USP3: variants seen among roughly 807,000 people sequenced by gnomAD.
USP3 encodes the protein ubiquitin carboxyl-terminal hydrolase 3.
A neutral mutation model predicts 72.3 loss-of-function variants in USP3; 20 were observed. That is an observed-to-expected ratio of 0.28 (90% confidence interval 0.19 to 0.40). The LOEUF (loss-of-function observed/expected upper bound fraction) is 0.40. USP3 is among the 10% of genes least tolerant of loss of function. The pLI, the probability that USP3 is intolerant of heterozygous loss-of-function variation, is 1.00. For missense variants in USP3, 479 were observed against 633.9 expected, an observed-to-expected ratio of 0.76 and a Z score of 2.62; for synonymous variants, 222 against 225.3, an observed-to-expected ratio of 0.99 and a Z score of 0.13.
Position 63,511,266 on chromosome 15 carries a change from T to TAAAAA in USP3, c.91+6448_91+6452dup, listed in dbSNP as rs61283920. On this transcript the variant is annotated intron_variant, in intron 1 of 14. Transcript: ENST00000380324. ...TTCAGACTTTTAGCTTGCTTTTTCT[T>TAAAAA]AAAAAAAAAAAAAAAAGAGTCTTTA... Among the ~76,000 whole-genome samples, 76 of 42,862 alleles carry TAAAAA rather than the reference T, an allele frequency of 1.8e-3. 3 individuals carry two copies. The highest frequency in any genetic ancestry group is 3.4e-3 in the African/African-American group (55 of 16,204). The allele number at this position is 42,862 out of a possible 152,430, so 28.1% of individuals were successfully genotyped here.
intron 6 of USP3, 49 bp from the exon 7 acceptor site, chr15:63,559,808 A>C: frequency 6.7e-7 from 1 of 1,492,980 alleles, no homozygotes; most frequent in South Asian, 1.3e-5. Flanking sequence ...CTTTCTTTAC[A>C]GTCCTATTCT....
rs539933785 is a variant in USP3, at chr15:63,551,829, C to T, written c.285-1886C>T. 5.9e-5 allele frequency: 9 copies of T among 152,316 alleles called. No homozygotes were observed. In the South Asian group the frequency reaches 1.0e-3, roughly 18 times the overall value. The allele number at this position is 152,316 out of a possible 1,614,324, so 9.4% of individuals were successfully genotyped here. ...CAGCTCTGGAGTCTAGATCAACTTA[C>T]TTTGGTGATAAAAGGGTAGAGAGGC... is the stretch of plus-strand genomic sequence containing the variant. On this transcript the variant is annotated intron_variant, in intron 3 of 14. Coordinates refer to ENST00000380324, the MANE Select transcript of USP3 (RefSeq NM_006537.4).
chr15:63,537,012 TG>T lies in USP3; in HGVS notation c.153-11del. 3 of 1,602,584 alleles carry T rather than the reference TG, an allele frequency of 1.9e-6. No individual in the cohort carries two copies. The highest frequency in any genetic ancestry group is 2.6e-6 in the Non-Finnish European group (3 of 1,175,938). On this transcript the variant is annotated splice_polypyrimidine_tract_variant and intron_variant, in intron 2 of 14. Transcript: ENST00000380324. ...GCAATATTTAAAGTAAATTTTCATT[TG>T]GTTTTTGTAAGGTATGTGAATGGCC...
chr15:63,506,408 T>C (rs1355593991), intron 1 of USP3, among the ~76,000 whole-genome samples: 2 of 151,908 alleles, frequency 1.3e-5, no homozygotes, highest in Non-Finnish European at 2.9e-5. Context: ...AGGAGAAGCC[T>C]ACCTCACAGG....
chr15:63,566,615 G>A (rs372702576), intron 8 of USP3, among the ~76,000 whole-genome samples: 20 of 152,186 alleles, frequency 1.3e-4, no homozygotes, highest in African/African-American at 4.3e-4. Context: ...GCCTGGCCAC[G>A]TGTGATACTT....
At chr15:63,584,524 T>C (rs1197049764) in intron 11 of USP3, among the ~76,000 whole-genome samples, 1 of 152,216 alleles carries the variant, frequency 6.6e-6, no homozygotes, top group Non-Finnish European at 1.5e-5. Context: ...TGATTTGCAT[T>C]TCCCTAGTAA....
intron 3 of USP3, among the ~76,000 whole-genome samples, chr15:63,539,269 A>G: frequency 6.6e-6 from 1 of 152,190 alleles, no homozygotes; most frequent in Non-Finnish European, 1.5e-5. Flanking sequence ...GTCATGGGTC[A>G]CATCATCCTA....
rs1330833595 is a variant in USP3, at chr15:63,556,753, GTAAT to G, written c.450+9_450+12del. The G allele has an allele frequency of 8.4e-6, 13 of 1,551,342 alleles. No individual in the cohort carries two copies. The highest frequency in any genetic ancestry group is 1.1e-5 in the Non-Finnish European group (13 of 1,137,850). On this transcript the variant is annotated splice_donor_region_variant and intron_variant, in intron 5 of 14. Coordinates refer to ENST00000380324, the MANE Select transcript of USP3 (RefSeq NM_006537.4). ...AGCAAGTTATTAAAAGTAAATGTAA[GTAAT>G]TAAAATTTATTCAAATATAAGAGTT...
At chr15:63,531,193 C>G (rs757525487) in intron 1 of USP3, among the ~76,000 whole-genome samples, 21 of 152,188 alleles carry the variant, frequency 1.4e-4, no homozygotes, top group Non-Finnish European at 2.8e-4. Context: ...CTGTCCCCTC[C>G]TCTCATGCAA....
intron 3 of USP3, among the ~76,000 whole-genome samples, chr15:63,549,317 A>C (rs960035888): frequency 6.6e-6 from 1 of 152,236 alleles, no homozygotes; most frequent in African/African-American, 2.4e-5. Context: ...TGGAGTACCA[A>C]ACAGTTTTTC....
In USP3 at chr15:63,528,881, A is replaced by G. The variant is rs145364449; in HGVS notation, c.92-3766A>G. On this transcript the variant is annotated intron_variant, in intron 1 of 14. Coordinates refer to ENST00000380324, the MANE Select transcript of USP3 (RefSeq NM_006537.4). This position sits in a 1 kb window ranked among gnomAD's most constrained non-coding sequence, Gnocchi z 4.3. ...AAGCCAGTGTTTTTCAGTCTATTTT[A>G]TATTTGTCCTGGGTACATTAAAGGT... 67 of 489,216 alleles carry G rather than the reference A, an allele frequency of 1.4e-4. No individual in the cohort carries two copies. In the Middle Eastern group the frequency reaches 2.7e-3, roughly 20 times the overall value. The allele number at this position is 489,216 out of a possible 1,614,324, so 30.3% of individuals were successfully genotyped here.
chr15:63,581,356 TGTGTGTGTGTGTGTG>T (rs1188798010), intron 11 of USP3, among the ~76,000 whole-genome samples: 7 of 19,034 alleles, frequency 3.7e-4, no homozygotes, highest in Admixed American at 1.6e-3. Context: ...TGTGTGTGTG[TGTGTGTGTGTGTGTG>T]TGTGTGTGTG....
rs1469155693 is a variant in USP3 at position 63,591,316 on chromosome 15, T to TGAGGAATCATTCTTTTTGCCTGTAAA, written c.*491_*516dup. On this transcript the variant is annotated 3_prime_UTR_variant, in exon 15 of 15. Coordinates refer to ENST00000380324, the MANE Select transcript of USP3 (RefSeq NM_006537.4). ...GCCCACAAAATTTCACAATGACTGC[T>TGAGGAATCATTCTTTTTGCCTGTAAA]GAGGAATCATTCTTTTTGCCTGTAA... is the stretch of plus-strand genomic sequence containing the variant. 8 of 152,850 alleles carry TGAGGAATCATTCTTTTTGCCTGTAAA rather than the reference T, an allele frequency of 5.2e-5. No individual in the cohort carries two copies. The highest frequency in any genetic ancestry group is 1.9e-4 in the African/African-American group (8 of 41,470). 9.5% of individuals were successfully genotyped at this position (152,850 alleles called of 1,614,324 possible).
intron 11 of USP3, among the ~76,000 whole-genome samples, chr15:63,585,896 C>T (rs188672914): frequency 2.7e-5 from 4 of 148,112 alleles, no homozygotes; most frequent in Admixed American, 6.8e-5. Flanking sequence ...CCATAATAAA[C>T]TTTAGAGTAA....
At chr15:63,571,318 T>TA (rs1270053567) in intron 9 of USP3, among the ~76,000 whole-genome samples, 1 of 152,180 alleles carries the variant, frequency 6.6e-6, no homozygotes, top group Non-Finnish European at 1.5e-5. Context: ...GTAAGTAACA[T>TA]ATAGGTGTCA....
chr15:63,562,280 T>A (rs1028403016), intron 7 of USP3, among the ~76,000 whole-genome samples: 3 of 152,094 alleles, frequency 2.0e-5, no homozygotes, highest in African/African-American at 7.2e-5. Context: ...AGTGTGGATA[T>A]TGGGTGATAG....
intron 8 of USP3, among the ~76,000 whole-genome samples, chr15:63,565,260 G>A (rs2066670445): frequency 1.3e-5 from 2 of 152,110 alleles, no homozygotes; most frequent in South Asian, 4.1e-4. Context: ...GTAATCAGCA[G>A]CTTTGGATAG....
chr15:63,524,168 A>G (rs1292110420), intron 1 of USP3, among the ~76,000 whole-genome samples: 1 of 152,248 alleles, frequency 6.6e-6, no homozygotes, highest in African/African-American at 2.4e-5. Context: ...GATGTGATAC[A>G]CAAAGATTTA....
In USP3 at chr15:63,570,707, T is replaced by G. The variant is rs901785964; in HGVS notation, c.908+128T>G. On this transcript the variant is annotated intron_variant, in intron 9 of 14. Transcript: ENST00000380324. This position sits in a 1 kb window ranked among gnomAD's most constrained non-coding sequence, Gnocchi z 4.4. ...CATTTGCTGGAACTTTTCGTGCCCTTGAACTTTGTGACCCAGTGAACTAGC... is the reference window on the plus strand; with the variant it reads ...CATTTGCTGGAACTTTTCGTGCCCTGGAACTTTGTGACCCAGTGAACTAGC... 3.0e-6 allele frequency: 4 copies of G among 1,338,912 alleles called. No homozygotes were observed. In the Admixed American group the frequency reaches 1.0e-4, roughly 35 times the overall value. 82.9% of individuals were successfully genotyped at this position (1,338,912 alleles called of 1,614,324 possible). A position where few individuals can be genotyped will look rare whatever the true frequency, so the allele number is the denominator to read the frequency against.
Sources: gnomAD v4.1 joint callset for allele counts (sites outside exome capture counted in the v4.1 genomes callset) on GRCh38, gnomAD v4.1.1 for gene constraint, Gnocchi (gnomAD v3.1) non-coding constraint, MANE v1.5 for transcripts, NCBI Gene and HGNC (gene_info 2026-07-23, HGNC 2026-07-21) for gene names.